Variants in MRPL47 observed in about 807,000 individuals in gnomAD.
MRPL47 encodes the protein mitochondrial ribosomal protein L47.
Under a neutral mutation model 34.0 loss-of-function variants are expected in MRPL47, and 31 were observed. The ratio of observed to expected loss-of-function variants is 0.91; its 90% CI spans 0.68 to 1.23. The LOEUF is 1.23. MRPL47 is among the 50% of genes most tolerant of loss of function. The pLI, the probability that MRPL47 is intolerant of heterozygous loss-of-function variation, is 0.00. For synonymous variants in MRPL47, 106 were observed against 101.6 expected (o/e 1.04, Z -0.26); for missense variants, 328 against 285.8 (o/e 1.15, Z -1.07).
intron 6 of MRPL47, 93 bp downstream of exon 6, chr3:179,592,551 G>T: frequency 1.3e-6 from 1 of 761,610 alleles, no homozygotes; most frequent in Non-Finnish European, 2.2e-6. Flanking sequence ...TTTAAAGACA[G>T]CTTAAGCTTT....
chr3:179,602,019 G>A (rs571253116), intron 2 of MRPL47, among the ~76,000 whole-genome samples: 5 of 152,296 alleles, frequency 3.3e-5, no homozygotes, highest in African/African-American at 1.2e-4. Flanking sequence ...AGTACAGAAC[G>A]TATTTTCACA....
In MRPL47 at chr3:179,602,727, T is replaced by C. The variant is rs879156658; in HGVS notation, c.169A>G (p.Thr57Ala). 6.2e-7 allele frequency: 1 copy of C among 1,612,430 alleles called. No individual in the cohort carries two copies. Among genetic ancestry groups the C allele is most frequent in the Non-Finnish European group, 8.5e-7 (1 of 1,179,236 alleles). The change falls in exon 2 of 7, where the codon ACC (threonine) becomes GCC (alanine). Residue 57 changes from threonine (T) to alanine (A), a missense_variant. Coordinates refer to ENST00000476781, the MANE Select transcript of MRPL47 (RefSeq NM_020409.3). ...TCTAGTCCTTTCCTTGACAATGTGG[T>C]ATGAAGTAATCTATATTGGTGAAAG... Reference protein sequence around the residue: ...TSFHQYRLLHTTLSRKGLEEF... With the variant: ...TSFHQYRLLHATLSRKGLEEF...
intron 3 of MRPL47, among the ~76,000 whole-genome samples, chr3:179,599,489 A>G (rs980441381): frequency 3.9e-5 from 6 of 152,224 alleles, no homozygotes; most frequent in African/African-American, 1.4e-4. Flanking sequence ...ATTTCCACTT[A>G]CTTAACGAAG....
intron 6 of MRPL47, among the ~76,000 whole-genome samples, chr3:179,589,437 AAATG>A (rs1718615692): frequency 1.3e-5 from 2 of 152,362 alleles, no homozygotes; most frequent in South Asian, 4.1e-4. Flanking sequence ...ACTATTCTTT[AAATG>A]AGTTTGTTCC....
chr3:179,598,429 C>CAAAAAAAA (rs1553779599), intron 4 of MRPL47, among the ~76,000 whole-genome samples: 1 of 118,826 alleles, frequency 8.4e-6, no homozygotes, highest in Admixed American at 8.7e-5. Context: ...CACACACAAA[C>CAAAAAAAA]AAAAAAAAAA....
intron 3 of MRPL47, among the ~76,000 whole-genome samples, 154 bp downstream of exon 3, chr3:179,601,576 A>T (rs945672794): frequency 1.3e-5 from 2 of 152,238 alleles, no homozygotes; most frequent in African/African-American, 4.8e-5. Flanking sequence ...GTCATATAAA[A>T]TCTTTCATGA....
chr3:179,598,426 A>ACACACACACACAC (rs1553779586), intron 4 of MRPL47, among the ~76,000 whole-genome samples: 4 of 142,326 alleles, frequency 2.8e-5, no homozygotes, highest in Non-Finnish European at 4.5e-5. Context: ...ACACACACAC[A>ACACACACACACAC]AACAAAAAAA....
At chr3:179,599,660 C>G (rs1718881136) in intron 3 of MRPL47, among the ~76,000 whole-genome samples, 1 of 152,010 alleles carries the variant, frequency 6.6e-6, no homozygotes, top group African/African-American at 2.4e-5. Context: ...GCAATAAGTA[C>G]CAGAAGAATT....
intron 6 of MRPL47, among the ~76,000 whole-genome samples, chr3:179,591,026 A>G (rs1249190361): frequency 1.3e-5 from 2 of 152,238 alleles, no homozygotes; most frequent in Non-Finnish European, 2.9e-5. Flanking sequence ...AAACACTTTA[A>G]AGCCAAGGTT....
Position 179,601,794 on chromosome 3 carries a change from T to C in MRPL47, c.245-4A>G. On this transcript the variant is annotated splice_polypyrimidine_tract_variant and splice_region_variant and intron_variant, in intron 2 of 6. Transcript: ENST00000476781. ...TGCTGACAGGTCCATGCTGCTCCTATTAAAATAATACATAACATGAAATAA... is the reference window on the plus strand; with the variant it reads ...TGCTGACAGGTCCATGCTGCTCCTACTAAAATAATACATAACATGAAATAA... 1 of 1,599,816 alleles carries C rather than the reference T, an allele frequency of 6.3e-7. No individual in the cohort carries two copies. The highest frequency in any genetic ancestry group is 8.6e-7 in the Non-Finnish European group (1 of 1,169,422).
At chr3:179,591,531 A>G (rs1443786144) in intron 6 of MRPL47, among the ~76,000 whole-genome samples, 1 of 152,182 alleles carries the variant, frequency 6.6e-6, no homozygotes, top group Non-Finnish European at 1.5e-5. Flanking sequence ...CAGAAGCCCT[A>G]TGTTCTCCCT....
At chr3:179,602,628 T>A in intron 2 of MRPL47, 24 bp downstream of exon 2, 3 of 1,504,778 alleles carry the variant, frequency 2.0e-6, no homozygotes, top group Non-Finnish European at 1.8e-6. Flanking sequence ...ATATATCTAA[T>A]GTTGACAAAT....
intron 3 of MRPL47, among the ~76,000 whole-genome samples, 178 bp from the exon 4 acceptor site, chr3:179,598,949 G>A (rs1432245259): frequency 1.3e-5 from 2 of 151,920 alleles, no homozygotes; most frequent in Admixed American, 6.6e-5. Context: ...GCTTGACCTT[G>A]GGAGTTCAAT....
intron 6 of MRPL47, among the ~76,000 whole-genome samples, chr3:179,591,927 G>T (rs1340975399): frequency 6.6e-6 from 1 of 151,948 alleles, no homozygotes; most frequent in Non-Finnish European, 1.5e-5. Context: ...CCACCTCCCA[G>T]GTTCCATCAA....
chr3:179,598,717 C>T lies in MRPL47; in HGVS notation c.360G>A (p.Lys120=), dbSNP rs1192940922. The T allele has an allele frequency of 6.8e-6, 11 of 1,613,192 alleles. No individual in the cohort carries two copies. The highest frequency in any genetic ancestry group is 4.4e-5 in the South Asian group (4 of 91,084). The part of the protein sequence containing the change: ...NMLLTLEQEA[K]RQRLPMPSPE... Reference sequence around the variant, plus strand: ...GACTTGGCATTGGCAATCTCTGCCGCTTGGCCTCCTGCTCTAGGGTTAGAA... The same window carrying T: ...GACTTGGCATTGGCAATCTCTGCCGTTTGGCCTCCTGCTCTAGGGTTAGAA... Residue 120 remains lysine, a synonymous_variant, in exon 4 of 7, where the codon AAG becomes AAA. Coordinates refer to ENST00000476781, the MANE Select transcript of MRPL47 (RefSeq NM_020409.3).
At chr3:179,589,087 G>C in intron 6 of MRPL47, 92 bp from the exon 7 acceptor site, 1 of 1,250,396 alleles carries the variant, frequency 8.0e-7, no homozygotes, top group Non-Finnish European at 1.1e-6. Flanking sequence ...TTACATCAAA[G>C]CTTCAAACAT....
chr3:179,603,265 G>A (rs1424962636), intron 1 of MRPL47, among the ~76,000 whole-genome samples: 1 of 152,022 alleles, frequency 6.6e-6, no homozygotes, highest in Non-Finnish European at 1.5e-5. Flanking sequence ...GGCTGGGCAC[G>A]GTGGCTCACA....
At chr3:179,592,234 A>G (rs1221222717) in intron 6 of MRPL47, among the ~76,000 whole-genome samples, 2 of 151,098 alleles carry the variant, frequency 1.3e-5, no homozygotes, top group Admixed American at 6.6e-5. Context: ...TCACTCTGTC[A>G]CCCAGGCTAG....
chr3:179,593,625 T>C (rs950156616), intron 5 of MRPL47, 140 bp downstream of exon 5: 7 of 670,372 alleles, frequency 1.0e-5, no homozygotes, highest in Non-Finnish European at 1.6e-5. Context: ...TCCAAAGGGG[T>C]GTGGGGCCTC....
Sources: gnomAD v4.1 joint callset for allele counts (sites outside exome capture counted in the v4.1 genomes callset) on GRCh38, gnomAD v4.1.1 for gene constraint, MANE v1.5 for transcripts, NCBI Gene and HGNC (gene_info 2026-07-23, HGNC 2026-07-21) for gene names.